The following THEMIS variants were observed in gnomAD, a reference collection of about 807,000 sequenced individuals.
THEMIS encodes the protein thymocyte selection associated.
Under a neutral mutation model 52.6 loss-of-function variants are expected in THEMIS, and 37 were observed. That is an observed-to-expected ratio of 0.70 (90% CI 0.54 to 0.93). The LOEUF (loss-of-function observed/expected upper bound fraction) is 0.93. Ranked by LOEUF, THEMIS falls within the 40% of genes least tolerant of loss-of-function variation. The pLI is 0.00. For synonymous variants in THEMIS, 292 were observed against 272.7 expected (o/e 1.07, Z -0.70); for missense variants, 808 against 763.1 (o/e 1.06, Z -0.69).
chr6:127,702,169 A>G, the THEMIS span, among the ~76,000 whole-genome samples: 1 of 152,078 alleles, frequency 6.6e-6, no homozygotes, highest in Non-Finnish European at 1.5e-5. Flanking sequence ...AACTGGATTA[A>G]CAGTTCTCAC....
intron 3 of THEMIS, among the ~76,000 whole-genome samples, chr6:127,817,379 G>A (rs1778172585): frequency 6.6e-6 from 1 of 152,136 alleles, no homozygotes; most frequent in African/African-American, 2.4e-5. Context: ...ACTATTCATA[G>A]CAGCTATTGT....
chr6:127,736,851 C>CAAA (rs3057968), intron 4 of THEMIS, among the ~76,000 whole-genome samples: 1,055 of 104,794 alleles, frequency 0.01, 14 homozygotes, highest in Middle Eastern at 0.017. Context: ...ACCAAATGAT[C>CAAA]AAAAAAAAAA....
chr6:127,800,036 C>T (rs922536945), intron 4 of THEMIS, among the ~76,000 whole-genome samples: 2 of 152,126 alleles, frequency 1.3e-5, no homozygotes, highest in African/African-American at 4.8e-5. Flanking sequence ...AAATGTTGTT[C>T]ATTATTTATA....
At chr6:127,706,171 T>TA (rs1773794509), downstream of THEMIS, among the ~76,000 whole-genome samples, 2 of 151,858 alleles carry the variant, frequency 1.3e-5, no homozygotes, top group Non-Finnish European at 2.9e-5. Flanking sequence ...ACTCCAAAAC[T>TA]AAAAAACCTT....
At chr6:127,895,313 G>C (rs962077313) in intron 1 of THEMIS, among the ~76,000 whole-genome samples, 1 of 151,324 alleles carries the variant, frequency 6.6e-6, no homozygotes, top group Non-Finnish European at 1.5e-5. Context: ...GCTCTAGCCT[G>C]TAATAAAAAG....
At chr6:127,811,504 G>A (rs1485271480) in intron 4 of THEMIS, among the ~76,000 whole-genome samples, 4 of 152,150 alleles carry the variant, frequency 2.6e-5, no homozygotes, top group African/African-American at 9.7e-5. Context: ...AAGGACTCTT[G>A]TGATTAAATT....
Position 127,829,532 on chromosome 6 carries a change from T to C in THEMIS, c.653A>G (p.Asp218Gly). Residue 218 changes from aspartate (D) to glycine (G), a missense_variant, in exon 3 of 6, where the codon GAC becomes GGC. By Grantham distance (94) the Asp-to-Gly change is moderately conservative. Coordinates refer to ENST00000368248, the MANE Select transcript of THEMIS (RefSeq NM_001010923.3). ...KWDSTNPFPK[D>G]FYGTLILKPV... ...CTTGAGAATCAGGGTACCATAAAAG[T>C]CTTTAGGAAATGGATTCGTTGAGTC... 2 of 1,613,396 alleles carry C rather than the reference T, an allele frequency of 1.2e-6. No homozygotes were observed. Among genetic ancestry groups the C allele is most frequent in the Admixed American group, 3.3e-5 (2 of 59,926 alleles).
chr6:127,864,979 T>C (rs1489591985), intron 1 of THEMIS, among the ~76,000 whole-genome samples: 3 of 152,108 alleles, frequency 2.0e-5, no homozygotes, highest in Non-Finnish European at 4.4e-5. Flanking sequence ...TGGAGTCACA[T>C]GGACAGGGCA....
chr6:127,908,820 C>T (rs1245511909), intron 1 of THEMIS, among the ~76,000 whole-genome samples: 6 of 151,412 alleles, frequency 4.0e-5, no homozygotes, highest in African/African-American at 7.3e-5. Flanking sequence ...TTTTTTTTCA[C>T]ATTTGTTATC....
intron 1 of THEMIS, among the ~76,000 whole-genome samples, chr6:127,865,009 G>A (rs1219243313): frequency 6.6e-6 from 1 of 152,138 alleles, no homozygotes; most frequent in Non-Finnish European, 1.5e-5. Flanking sequence ...CAGCAGTGAT[G>A]AGTGACAACA....
chr6:127,736,127 C>G (rs1774997078), intron 4 of THEMIS, among the ~76,000 whole-genome samples: 1 of 152,048 alleles, frequency 6.6e-6, no homozygotes, highest in Admixed American at 6.6e-5. Flanking sequence ...TCTTTTTTAC[C>G]TATATCTGAA....
chr6:127,705,347 G>A (rs1413948416), downstream of THEMIS, among the ~76,000 whole-genome samples: 1 of 152,190 alleles, frequency 6.6e-6, no homozygotes, highest in African/African-American at 2.4e-5. Flanking sequence ...GGACTCATGA[G>A]TGGAGTAACC....
At chr6:127,722,899 A>T (rs1378160598) in intron 4 of THEMIS, among the ~76,000 whole-genome samples, 6 of 152,104 alleles carry the variant, frequency 3.9e-5, no homozygotes, top group South Asian at 2.1e-4. Flanking sequence ...ATCTACATAA[A>T]CATTCTGTCT....
At chr6:127,717,930 A>T (rs954979109) in intron 5 of THEMIS, among the ~76,000 whole-genome samples, 9 of 151,716 alleles carry the variant, frequency 5.9e-5, no homozygotes, top group Non-Finnish European at 1.2e-4. Context: ...TAGAAAGAGG[A>T]GAAAGCTCAG....
intron 5 of THEMIS, 133 bp downstream of exon 5, chr6:127,719,555 G>T: frequency 1.5e-6 from 1 of 677,850 alleles, no homozygotes; most frequent in Non-Finnish European, 2.4e-6. Flanking sequence ...CAATGTGATT[G>T]GCAGAGCAGG....
In THEMIS at chr6:127,900,929, C is replaced by T. The variant is rs750429003; in HGVS notation, c.4G>A (p.Ala2Thr). The T allele has an allele frequency of 1.2e-6, 2 of 1,612,566 alleles. No homozygotes were observed. The highest frequency in any genetic ancestry group is 1.7e-6 in the Non-Finnish European group (2 of 1,179,008). M[A>T]LSLEEFVHSL... ...TGGACGAATTCTTCCAGTGATAATG[C>T]CATTGCTATGCCTTGGGTAGTTTGT... Residue 2 changes from alanine to threonine, a missense_variant, in exon 1 of 6, where the codon GCA (alanine) becomes ACA (threonine). Physicochemically the swap from Ala to Thr is moderately conservative, Grantham distance 58. Coordinates refer to ENST00000368248, the MANE Select transcript of THEMIS (RefSeq NM_001010923.3).
At chr6:127,812,796 G>A (rs557243657) in intron 4 of THEMIS, 87 bp downstream of exon 4, 2 of 1,358,462 alleles carry the variant, frequency 1.5e-6, no homozygotes, top group Admixed American at 2.3e-5. Flanking sequence ...AGAAAGAAAA[G>A]TAAGCAAAAC....
intron 5 of THEMIS, among the ~76,000 whole-genome samples, chr6:127,711,407 C>T (rs905387807): frequency 6.6e-5 from 10 of 152,056 alleles, no homozygotes; most frequent in Admixed American, 2.6e-4. Flanking sequence ...GAAAGAAGAG[C>T]GATTTCTCCA....
intron 4 of THEMIS, among the ~76,000 whole-genome samples, chr6:127,721,768 A>G (rs1774370292): frequency 6.6e-6 from 1 of 152,018 alleles, no homozygotes; most frequent in African/African-American, 2.4e-5. Context: ...TCTGAATTAC[A>G]TACCTTTGAA....
Sources: gnomAD v4.1 joint callset for allele counts (sites outside exome capture counted in the v4.1 genomes callset) on GRCh38, gnomAD v4.1.1 for gene constraint, MANE v1.5 for transcripts, NCBI Gene and HGNC (gene_info 2026-07-23, HGNC 2026-07-21) for gene names.